GAGE12J: variants seen among roughly 807,000 people sequenced by gnomAD.
The protein encoded by GAGE12J is G antigen 11.
In GAGE12J, 5 loss-of-function variants were observed where a neutral mutation model predicts 8.5. The observed-to-expected ratio is 0.59, with a 90% CI of 0.31 to 1.24. The LOEUF is 1.24. Among genes scored for constraint, GAGE12J ranks in the 50% most tolerant of loss-of-function variants. The probability of loss-of-function intolerance (pLI) is 0.06; values close to 1 mark genes in which losing one functional copy is unlikely to be tolerated. For missense variants in GAGE12J, 26 were observed against 63.0 expected (o/e 0.41, Z 1.99); for synonymous variants, 10 against 19.2 (o/e 0.52, Z 1.25).
At chrX:49,325,624 T>C (rs1262350272) in intron 3 of GAGE12J, among the ~76,000 whole-genome samples, 2 of 79,921 alleles carry the variant, frequency 2.5e-5, no homozygotes, top group Non-Finnish European at 6.4e-5. Context: ...CATACTGTTA[T>C]TAATGCTGAA....
At chrX:49,323,062 C>T in intron 1 of GAGE12J, 124 bp from the exon 2 acceptor site, 1 of 782,401 alleles carries the variant, frequency 1.3e-6, no homozygotes. Context: ...GTATGCTTAA[C>T]TCTGGGACTT....
At chrX:49,322,522 G>T (rs1453174686) in intron 1 of GAGE12J, among the ~76,000 whole-genome samples, 2 of 101,724 alleles carry the variant, frequency 2.0e-5, no homozygotes, top group African/African-American at 6.7e-5. Context: ...GAAGGCTGCG[G>T]CCTGGTGAGC....
chrX:49,325,591 T>TCA (rs1176588303), intron 3 of GAGE12J, among the ~76,000 whole-genome samples: 976 of 75,721 alleles, frequency 0.013, 2 homozygotes, highest in African/African-American at 0.029. Context: ...GCCCACACAC[T>TCA]CACACACACA....
In GAGE12J at chrX:49,323,266, G is replaced by C; in HGVS notation, c.73G>C (p.Gly25Arg). 8.7e-7 allele frequency: 1 copy of C among 1,145,631 alleles called. No individual in the cohort carries two copies. The highest frequency in any genetic ancestry group is 1.8e-5 in the African/African-American group (1 of 56,741). 94.4% of individuals were successfully genotyped at this position (1,145,631 alleles called of 1,213,427 possible). Residue 25 changes from glycine to arginine, a missense_variant, in exon 2 of 5, where the codon GGG (glycine) becomes CGG (arginine). Coordinates refer to ENST00000442437, the MANE Select transcript of GAGE12J (RefSeq NM_001098406.4). ...CTATGTACAGCCTCCTGAAATGATT[G>C]GGCCTATGCGGGTGAGTGCTTGAAC... ...RPYVQPPEMI[G>R]PMRPEQFSDE... is the part of the protein sequence containing the mutation.
At position 49,328,090 on chromosome X, in the gene GAGE12J, T is replaced by A. The variant is rs1456000560; in HGVS notation, c.332-1181T>A. Among the ~76,000 whole-genome samples, 17 of 72,886 alleles carry A rather than the reference T, an allele frequency of 2.3e-4. 3 individuals are homozygous for A. Among genetic ancestry groups the A allele is most frequent in the Non-Finnish European group, 5.2e-4 (15 of 28,896 alleles). 63.3% of individuals were successfully genotyped at this position (72,886 alleles called of 115,157 possible). On this transcript the variant is annotated intron_variant, in intron 4 of 4. Transcript: ENST00000442437. Reference sequence around the variant, plus strand: ...TTTAATGAACAATTGCTTCTTTTTTTTCTTTTATTTATTTATTTATTTATT... The same window carrying A: ...TTTAATGAACAATTGCTTCTTTTTTATCTTTTATTTATTTATTTATTTATT...
intron 4 of GAGE12J, among the ~76,000 whole-genome samples, chrX:49,328,094 T>C (rs2066450952): frequency 2.9e-5 from 2 of 69,596 alleles, no homozygotes; most frequent in South Asian, 1.8e-3. Flanking sequence ...TTTTTTTTCT[T>C]TTATTTATTT....
At chrX:49,325,575 C>T (rs1453773996) in intron 3 of GAGE12J, among the ~76,000 whole-genome samples, 2 of 79,658 alleles carry the variant, frequency 2.5e-5, no homozygotes, top group African/African-American at 6.9e-5. Flanking sequence ...CGTCTCTTAC[C>T]GTGCTGCCCA....
In GAGE12J at chrX:49,323,171, GTTGT is replaced by G. The variant is rs782104718; in HGVS notation, c.-8-14_-8-11del. 3.6e-6 allele frequency: 4 copies of G among 1,107,558 alleles called. No homozygotes were observed. The highest frequency in any genetic ancestry group is 4.9e-6 in the Non-Finnish European group (4 of 811,545). The allele number at this position is 1,107,558 out of a possible 1,213,427, so 91.3% of individuals were successfully genotyped here. On this transcript the variant is annotated splice_polypyrimidine_tract_variant and intron_variant, in intron 1 of 4. Transcript: ENST00000442437. ...TGTGGAGCGCACGTTCCCAATCACG[GTTGT>G]CTGTTTTCAGTGTGAAATATGAGTT...
intron 1 of GAGE12J, among the ~76,000 whole-genome samples, chrX:49,322,522 G>C (rs1453174686): frequency 2.0e-5 from 2 of 101,724 alleles, no homozygotes; most frequent in Non-Finnish European, 4.2e-5. Context: ...GAAGGCTGCG[G>C]CCTGGTGAGC....
Position 49,323,330 on chromosome X carries a change from G to A in GAGE12J, c.84+53G>A, listed in dbSNP as rs782234824. The A allele has an allele frequency of 3.0e-5, 31 of 1,035,819 alleles. 1 individual carries two copies. Among genetic ancestry groups the A allele is most frequent in the Admixed American group, 1.2e-4 (5 of 42,984 alleles). 85.4% of individuals were successfully genotyped at this position (1,035,819 alleles called of 1,213,427 possible). On this transcript the variant is annotated intron_variant, in intron 2 of 4. Coordinates refer to ENST00000442437, the MANE Select transcript of GAGE12J (RefSeq NM_001098406.4). Reference sequence around the variant, plus strand: ...TTTCTATTAGTAGAAATTAATTTTTGTGATAGCGTTGTTGCATTAGTGTGG... The same window carrying A: ...TTTCTATTAGTAGAAATTAATTTTTATGATAGCGTTGTTGCATTAGTGTGG...
intron 3 of GAGE12J, among the ~76,000 whole-genome samples, chrX:49,325,492 A>C (rs1421443487): frequency 1.0e-5 from 1 of 98,471 alleles, no homozygotes; most frequent in African/African-American, 3.3e-5. Flanking sequence ...AGTACAATGA[A>C]CTCATATACT....
At chrX:49,328,056 T>G (rs1602736803) in intron 4 of GAGE12J, among the ~76,000 whole-genome samples, 1 of 65,925 alleles carries the variant, frequency 1.5e-5, no homozygotes, top group Admixed American at 1.7e-4. Context: ...AGGCAGGGTT[T>G]CTCTGGCTTT....
At position 49,328,083 on chromosome X, in the gene GAGE12J, CT is replaced by C. The variant is rs1292605308; in HGVS notation, c.332-1180del. ...TCTGGCTTTTAATGAACAATTGCTT[CT>C]TTTTTTTCTTTTATTTATTTATTTA... On this transcript the variant is annotated intron_variant, in intron 4 of 4. Transcript: ENST00000442437. 8.4e-5 allele frequency among the ~76,000 whole-genome samples: 6 copies of C among 71,078 alleles called. 2 individuals are homozygous for C. Among genetic ancestry groups the C allele is most frequent in the African/African-American group, 1.1e-4 (3 of 28,139 alleles). The allele number at this position is 71,078 out of a possible 115,157, so 61.7% of individuals were successfully genotyped here. A position where few individuals can be genotyped will look rare whatever the true frequency, so the allele number is the denominator to read the frequency against.
At chrX:49,322,538 C>T (rs1229681726) in intron 1 of GAGE12J, among the ~76,000 whole-genome samples, 1 of 98,452 alleles carries the variant, frequency 1.0e-5, no homozygotes, top group South Asian at 4.8e-4. Flanking sequence ...TGAGCGCCCC[C>T]CCCAGCGGTG....
chrX:49,322,569 T>G (rs1300367718), intron 1 of GAGE12J, among the ~76,000 whole-genome samples: 4 of 89,964 alleles, frequency 4.4e-5, no homozygotes, highest in African/African-American at 7.1e-5. Flanking sequence ...AGCGCCTGAG[T>G]GAGAAGCACT....
chrX:49,325,506 C>A (rs1187845558), intron 3 of GAGE12J, among the ~76,000 whole-genome samples: 1 of 92,203 alleles, frequency 1.1e-5, no homozygotes, highest in Non-Finnish European at 2.4e-5. Context: ...ATATACTGTT[C>A]ATCTGGATTC....
Position 49,323,253 on chromosome X carries a change from T to C in GAGE12J, c.60T>C (p.Pro20=). The change falls in exon 2 of 5, where the codon CCT becomes CCC. Residue 20 remains proline, a synonymous_variant. Transcript: ENST00000442437. ...YWPRPRPYVQ[P]PEMIGPMRPE... Reference sequence around the variant, plus strand: ...CTAGACCAAGACCCTATGTACAGCCTCCTGAAATGATTGGGCCTATGCGGG... The same window carrying C: ...CTAGACCAAGACCCTATGTACAGCCCCCTGAAATGATTGGGCCTATGCGGG... The C allele has an allele frequency of 8.7e-7, 1 of 1,146,490 alleles. No homozygotes were observed. The highest frequency in any genetic ancestry group is 1.2e-6 in the Non-Finnish European group (1 of 842,843). The allele number at this position is 1,146,490 out of a possible 1,213,427, so 94.5% of individuals were successfully genotyped here. A position where few individuals can be genotyped will look rare whatever the true frequency, so the allele number is the denominator to read the frequency against.
At chrX:49,322,632 C>T (rs1245665672) in intron 1 of GAGE12J, among the ~76,000 whole-genome samples, 1 of 90,697 alleles carries the variant, frequency 1.1e-5, no homozygotes, top group East Asian at 3.4e-4. Flanking sequence ...AAGGAGTGGG[C>T]GAGGCAGTGC....
intron 1 of GAGE12J, among the ~76,000 whole-genome samples, chrX:49,322,971 T>G (rs1383442700): frequency 9.3e-6 from 1 of 107,441 alleles, no homozygotes; most frequent in African/African-American, 3.3e-5. Context: ...TCCTCTGCCT[T>G]TTGCCACATG....
Sources: allele counts gnomAD v4.1 joint callset (sites outside exome capture counted in the v4.1 genomes callset), GRCh38; gene constraint gnomAD v4.1.1; transcripts MANE v1.5; gene names NCBI Gene and HGNC (gene_info 2026-07-23, HGNC 2026-07-21).